EFCAB10: variants seen among roughly 807,000 people sequenced by gnomAD.
EFCAB10 encodes EF-hand calcium-binding domain-containing protein 10.
Under a neutral mutation model 7.7 loss-of-function variants are expected in EFCAB10, and 7 were observed. That is an observed-to-expected ratio of 0.91 (90% CI 0.52 to 1.72). The LOEUF (loss-of-function observed/expected upper bound fraction) is 1.72, where lower values mean the gene tolerates loss of function less well. Ranked by LOEUF, EFCAB10 falls within the 40% of genes most tolerant of loss-of-function variation. The probability of loss-of-function intolerance (pLI) is 0.00; values close to 1 mark genes in which losing one functional copy is unlikely to be tolerated. For missense variants in EFCAB10, 112 were observed against 61.5 expected (o/e 1.82, Z -2.74); for synonymous variants, 52 against 21.0 (o/e 2.47, Z -4.03).
intron 1 of EFCAB10, chr7:105,573,694 T>C (rs1348368887): frequency 6.6e-6 from 1 of 152,214 alleles, no homozygotes; most frequent in Non-Finnish European, 1.5e-5. Context: ...TTAATCATAA[T>C]AGCTATCTGA....
At chr7:105,575,223 C>T (rs535732944) in intron 1 of EFCAB10, among the ~76,000 whole-genome samples, 30 of 152,138 alleles carry the variant, frequency 2.0e-4, no homozygotes, top group Admixed American at 6.6e-4. Context: ...CCCACCAGGT[C>T]CCTTGCACAA....
chr7:105,575,658 G>GT (rs1390709345), intron 1 of EFCAB10, among the ~76,000 whole-genome samples: 3 of 152,098 alleles, frequency 2.0e-5, no homozygotes, highest in Non-Finnish European at 4.4e-5. Flanking sequence ...TTCCTCAATA[G>GT]TAATTGCCCA....
chr7:105,576,080 A>G (rs1319386417), intron 1 of EFCAB10, among the ~76,000 whole-genome samples: 1 of 152,228 alleles, frequency 6.6e-6, no homozygotes, highest in African/African-American at 2.4e-5. Flanking sequence ...GACACAGGAT[A>G]AAGCTAGTGT....
At chr7:105,570,201 A>G (rs371526478) in intron 1 of EFCAB10, among the ~76,000 whole-genome samples, 4 of 109,258 alleles carry the variant, frequency 3.7e-5, no homozygotes, top group African/African-American at 7.0e-5. Flanking sequence ...GCAACAGAGC[A>G]AGACTCTCTC....
Position 105,565,344 on chromosome 7 carries a change from C to G in EFCAB10, c.*103G>C, listed in dbSNP as rs779258990. Reference sequence around the variant, plus strand: ...CCTGTCCAGTTCGGCTTGCCCGTTGCTGCTGACGTTACGAGACCATTTACT... The same window carrying G: ...CCTGTCCAGTTCGGCTTGCCCGTTGGTGCTGACGTTACGAGACCATTTACT... On this transcript the variant is annotated 3_prime_UTR_variant, in exon 5 of 5. Coordinates refer to ENST00000480514, the MANE Select transcript of EFCAB10 (RefSeq NM_001355526.2). 6.2e-7 allele frequency: 1 copy of G among 1,614,170 alleles called. No homozygotes were observed. The highest frequency in any genetic ancestry group is 1.1e-5 in the South Asian group (1 of 91,082).
chr7:105,568,277 T>C (rs1791843012), intron 3 of EFCAB10, among the ~76,000 whole-genome samples: 1 of 152,202 alleles, frequency 6.6e-6, no homozygotes, highest in Non-Finnish European at 1.5e-5. Flanking sequence ...TGGGGTATAT[T>C]CAATAATAGT....
At chr7:105,570,268 T>TATACACAC (rs1188257284) in intron 1 of EFCAB10, among the ~76,000 whole-genome samples, 12 of 66,452 alleles carry the variant, frequency 1.8e-4, no homozygotes, top group African/African-American at 7.6e-4. Context: ...TATATATATA[T>TATACACAC]ACACACACAC....
intron 1 of EFCAB10, among the ~76,000 whole-genome samples, chr7:105,580,339 T>G: frequency 6.6e-6 from 1 of 152,050 alleles, no homozygotes; most frequent in African/African-American, 2.4e-5. Flanking sequence ...CCCGGCTAAT[T>G]TTTTGTATTT....
In EFCAB10 at chr7:105,569,053, G is replaced by C. The variant is rs1269709613; in HGVS notation, c.359+150C>G. The stretch of plus-strand genomic sequence containing the variant: ...CCCAAGTTTAGGGACTTTACCGTCA[G>C]CCTTACCTGTCCTCACTTTCCAGTC... On this transcript the variant is annotated intron_variant, in intron 3 of 4. Transcript: ENST00000480514. 6 of 596,514 alleles carry C rather than the reference G, an allele frequency of 1.0e-5. No individual in the cohort carries two copies. The Admixed American group carries it at 1.2e-4, about 12-fold the overall frequency. 37.0% of individuals were successfully genotyped at this position (596,514 alleles called of 1,614,324 possible).
At chr7:105,579,950 T>C (rs574527886) in intron 1 of EFCAB10, among the ~76,000 whole-genome samples, 1 of 152,246 alleles carries the variant, frequency 6.6e-6, no homozygotes, top group South Asian at 2.1e-4. Flanking sequence ...GAATGTAACA[T>C]AATATATCCC....
intron 3 of EFCAB10, chr7:105,567,722 G>GAATT: frequency 2.2e-6 from 1 of 464,860 alleles, no homozygotes; most frequent in Non-Finnish European, 3.8e-6. Context: ...TCTAGTTTGG[G>GAATT]AATTAACTGT....
At chr7:105,569,368 G>T in intron 2 of EFCAB10, 39 bp downstream of exon 2, 1 of 695,244 alleles carries the variant, frequency 1.4e-6, no homozygotes, top group South Asian at 1.5e-5. Context: ...ACTGTGGAAT[G>T]ACCACAAACT....
At chr7:105,566,374 T>C (rs1264512172) in intron 4 of EFCAB10, 1 of 152,192 alleles carries the variant, frequency 6.6e-6, no homozygotes, top group Non-Finnish European at 1.5e-5. Flanking sequence ...CTAAAATTTA[T>C]AGGCCAGGCA....
intron 1 of EFCAB10, among the ~76,000 whole-genome samples, chr7:105,576,586 G>A (rs1248296682): frequency 6.6e-6 from 1 of 152,118 alleles, no homozygotes; most frequent in African/African-American, 2.4e-5. Context: ...GGGACTACAG[G>A]TGCCTCCCAC....
intron 1 of EFCAB10, chr7:105,573,141 T>C (rs1181614528): frequency 1.3e-5 from 2 of 152,198 alleles, no homozygotes; most frequent in African/African-American, 4.8e-5. Context: ...TCTTTTAATT[T>C]ATAGGTTTCC....
chr7:105,578,294 G>A (rs765257492), intron 1 of EFCAB10, among the ~76,000 whole-genome samples: 4 of 152,200 alleles, frequency 2.6e-5, no homozygotes, highest in Middle Eastern at 6.8e-3. Context: ...AGTCAGTGAG[G>A]AGCATCAAAA....
Position 105,565,394 on chromosome 7 carries a change from C to T in EFCAB10, c.*53G>A, listed in dbSNP as rs1285881734. On this transcript the variant is annotated 3_prime_UTR_variant, in exon 5 of 5. Coordinates refer to ENST00000480514, the MANE Select transcript of EFCAB10 (RefSeq NM_001355526.2). ...TTCAGTTGGAGCAGCAGCTTTGTTT[C>T]TCCTTATTTAAAATTTTCTGGCAAA... 6.2e-7 allele frequency: 1 copy of T among 1,614,038 alleles called. No individual in the cohort carries two copies. The highest frequency in any genetic ancestry group is 2.2e-5 in the East Asian group (1 of 44,894).
chr7:105,581,433 C>G lies in EFCAB10; in HGVS notation c.31G>C (p.Ala11Pro). The G allele has an allele frequency of 1.4e-6, 1 of 703,134 alleles. No homozygotes were observed. The highest frequency in any genetic ancestry group is 2.7e-5 in the East Asian group (1 of 37,292). 43.6% of individuals were successfully genotyped at this position (703,134 alleles called of 1,614,324 possible). METSSRELQA[A>P]EYLEKHQIKE... ...ATCTGATGCTTTTCCAAATACTCCGCGGCTTGGAGCTCCCTGCTGCTGGTC... is the reference window on the plus strand; with the variant it reads ...ATCTGATGCTTTTCCAAATACTCCGGGGCTTGGAGCTCCCTGCTGCTGGTC... The change falls in exon 1 of 5, where the codon GCG (alanine) becomes CCG (proline). Residue 11 changes from alanine to proline, a missense_variant. Coordinates refer to ENST00000480514, the MANE Select transcript of EFCAB10 (RefSeq NM_001355526.2).
intron 1 of EFCAB10, chr7:105,571,889 G>A (rs1791957376): frequency 6.6e-6 from 1 of 152,146 alleles, no homozygotes; most frequent in South Asian, 2.1e-4. Context: ...AGACTGCATT[G>A]ACATGGTTAA....
Sources: allele counts gnomAD v4.1 joint callset (sites outside exome capture counted in the v4.1 genomes callset), GRCh38; gene constraint gnomAD v4.1.1; transcripts MANE v1.5; gene names NCBI Gene and HGNC (gene_info 2026-07-23, HGNC 2026-07-21).